Variants in CDH12 observed in about 807,000 individuals in gnomAD.
CDH12 encodes cadherin-12.
A neutral mutation model predicts 74.1 loss-of-function variants in CDH12; 41 were observed. The ratio of observed to expected loss-of-function variants is 0.55; its 90% confidence interval spans 0.43 to 0.72. The LOEUF (loss-of-function observed/expected upper bound fraction) is 0.72, where lower values mean the gene tolerates loss of function less well. Ranked by LOEUF, CDH12 falls within the 30% of genes least tolerant of loss-of-function variation. The probability of loss-of-function intolerance (pLI) is 0.00; values close to 1 mark genes in which losing one functional copy is unlikely to be tolerated. For synonymous variants in CDH12, 399 were observed against 355.0 expected (o/e 1.12, Z -1.39); for missense variants, 945 against 977.2 (o/e 0.97, Z 0.44).
intron 1 of CDH12, among the ~76,000 whole-genome samples, chr5:22,643,477 C>G (rs1223235919): frequency 6.6e-6 from 1 of 152,120 alleles, no homozygotes; most frequent in East Asian, 1.9e-4. Flanking sequence ...CATAAACACA[C>G]TTTTTGGATA....
At chr5:22,492,388 C>T (rs1344180576) in intron 2 of CDH12, among the ~76,000 whole-genome samples, 2 of 150,364 alleles carry the variant, frequency 1.3e-5, no homozygotes, top group Admixed American at 6.6e-5. Context: ...TGCTCTGTCA[C>T]CCAGGCAGGA....
At chr5:21,873,119 A>G (rs923824175) in intron 6 of CDH12, among the ~76,000 whole-genome samples, 14 of 152,256 alleles carry the variant, frequency 9.2e-5, no homozygotes, top group African/African-American at 3.1e-4. Context: ...TTCTGTAATG[A>G]TAATATAATT....
chr5:22,215,705 A>C (rs1422792111), intron 3 of CDH12, among the ~76,000 whole-genome samples: 1 of 152,282 alleles, frequency 6.6e-6, no homozygotes, highest in South Asian at 2.1e-4. Flanking sequence ...TCCAAGTGGC[A>C]TAATGTAATA....
At chr5:22,374,836 C>T (rs888732451) in intron 3 of CDH12, among the ~76,000 whole-genome samples, 4 of 151,714 alleles carry the variant, frequency 2.6e-5, no homozygotes, top group African/African-American at 9.7e-5. Flanking sequence ...ACATTGCATG[C>T]TCATGAATTG....
At chr5:22,679,289 C>T (rs1741368363) in intron 1 of CDH12, among the ~76,000 whole-genome samples, 1 of 152,014 alleles carries the variant, frequency 6.6e-6, no homozygotes, top group African/African-American at 2.4e-5. Flanking sequence ...GTGTTCATTC[C>T]TAACCTGATG....
At chr5:22,086,087 T>C (rs1743048282) in intron 4 of CDH12, among the ~76,000 whole-genome samples, 1 of 152,166 alleles carries the variant, frequency 6.6e-6, no homozygotes, top group African/African-American at 2.4e-5. Context: ...CTCTCTCTGG[T>C]ATAGCAAACC....
chr5:22,638,418 C>T (rs923258458), intron 1 of CDH12, among the ~76,000 whole-genome samples: 63 of 152,276 alleles, frequency 4.1e-4, no homozygotes, highest in Admixed American at 3.5e-3. Context: ...GGGCGGCAAG[C>T]ATCCAGCACG....
chr5:22,152,398 G>C (rs1454154351), intron 4 of CDH12: 2 of 152,102 alleles, frequency 1.3e-5, no homozygotes, highest in Non-Finnish European at 2.9e-5. Context: ...CTGTCAGGAA[G>C]ACAGATGAAA....
At chr5:22,194,826 C>T (rs1471703130) in intron 4 of CDH12, among the ~76,000 whole-genome samples, 2 of 152,158 alleles carry the variant, frequency 1.3e-5, no homozygotes, top group Non-Finnish European at 2.9e-5. Flanking sequence ...CCCAGAGGAG[C>T]TGTGATCTCC....
At chr5:21,883,066 C>A in intron 6 of CDH12, 1 of 1,610,514 alleles carries the variant, frequency 6.2e-7, no homozygotes, top group East Asian at 2.2e-5. Context: ...AAAAAGCAGT[C>A]TAAACCTGTG....
At chr5:21,954,812 T>C (rs1414127308) in intron 6 of CDH12, among the ~76,000 whole-genome samples, 3 of 152,124 alleles carry the variant, frequency 2.0e-5, no homozygotes, top group Non-Finnish European at 4.4e-5. Context: ...CTTGTCTTAG[T>C]AGCTTTTATT....
At chr5:22,374,545 T>G (rs1017757384) in intron 3 of CDH12, among the ~76,000 whole-genome samples, 11 of 152,248 alleles carry the variant, frequency 7.2e-5, no homozygotes, top group Admixed American at 2.0e-4. Context: ...GATATAATCT[T>G]ACATCTAGAA....
intron 1 of CDH12, among the ~76,000 whole-genome samples, chr5:22,570,514 T>C (rs1728452683): frequency 6.6e-6 from 1 of 151,820 alleles, no homozygotes; most frequent in Non-Finnish European, 1.5e-5. Context: ...TGAGCAGTAA[T>C]ATTTTGAAAA....
intron 5 of CDH12, among the ~76,000 whole-genome samples, chr5:22,027,336 G>A (rs1029375583): frequency 6.6e-6 from 1 of 152,186 alleles, no homozygotes; most frequent in African/African-American, 2.4e-5. Context: ...CATAAAATGA[G>A]TTAGGGAGGA....
At chr5:22,317,955 C>T (rs1738702999) in intron 3 of CDH12, among the ~76,000 whole-genome samples, 1 of 152,150 alleles carries the variant, frequency 6.6e-6, no homozygotes, top group Admixed American at 6.5e-5. Flanking sequence ...CATAATCATC[C>T]AGGCAACTAA....
intron 6 of CDH12, among the ~76,000 whole-genome samples, chr5:21,888,399 T>C (rs1048539075): frequency 1.3e-5 from 2 of 152,106 alleles, no homozygotes; most frequent in African/African-American, 4.8e-5. Context: ...GGGAGATAAA[T>C]AGCATCTACT....
At chr5:22,327,231 T>C (rs1739149906) in intron 3 of CDH12, among the ~76,000 whole-genome samples, 1 of 152,178 alleles carries the variant, frequency 6.6e-6, no homozygotes, top group South Asian at 2.1e-4. Context: ...GGTCAACATG[T>C]AATGTCTTCA....
intron 1 of CDH12, among the ~76,000 whole-genome samples, chr5:22,742,570 T>C (rs1029999960): frequency 6.6e-6 from 1 of 152,116 alleles, no homozygotes; most frequent in African/African-American, 2.4e-5. Flanking sequence ...CAAAACTTTC[T>C]CCACCAGGAG....
chr5:22,235,785 C>T (rs1181032046), intron 3 of CDH12, among the ~76,000 whole-genome samples: 1 of 152,068 alleles, frequency 6.6e-6, no homozygotes, highest in East Asian at 1.9e-4. Context: ...TTCATACAGT[C>T]CTGCCTCACT....
Sources: allele counts gnomAD v4.1 joint callset (sites outside exome capture counted in the v4.1 genomes callset), GRCh38; gene constraint gnomAD v4.1.1; transcripts MANE v1.5; gene names NCBI Gene and HGNC (gene_info 2026-07-23, HGNC 2026-07-21).